Variants in DZIP1 observed in about 807,000 individuals in gnomAD.
DZIP1 encodes the protein cilium assembly protein DZIP1.
A neutral mutation model predicts 107.6 loss-of-function variants in DZIP1; 97 were observed. The ratio of observed to expected loss-of-function variants is 0.90; its 90% CI spans 0.77 to 1.07. The LOEUF (loss-of-function observed/expected upper bound fraction) is 1.07, where lower values mean the gene tolerates loss of function less well. Among genes scored for constraint, DZIP1 ranks in the 50% least tolerant of loss-of-function variants. DZIP1 has a pLI of 0.00. For synonymous variants in DZIP1, 390 were observed against 386.4 expected (o/e 1.01, Z -0.11); for missense variants, 1,035 against 1,063.6 (o/e 0.97, Z 0.37).
In DZIP1 at chr13:95,612,302, G is replaced by A. The variant is rs143625581; in HGVS notation, c.1174-125C>T. ...TGATGCTATCCGTGCGCATCAAGTCGTTGAATAAATCTTTGATCATGGTAT... is the reference window on the plus strand; with the variant it reads ...TGATGCTATCCGTGCGCATCAAGTCATTGAATAAATCTTTGATCATGGTAT... On this transcript the variant is annotated intron_variant, in intron 10 of 22. Transcript: ENST00000376829. 8.2e-4 allele frequency: 882 copies of A among 1,074,522 alleles called. 5 individuals carry two copies. In the African/African-American group the frequency reaches 0.012, roughly 15 times the overall value. 66.6% of individuals were successfully genotyped at this position (1,074,522 alleles called of 1,614,324 possible).
At chr13:95,609,624 A>T (rs1428400425) in intron 12 of DZIP1, 111 bp from the exon 13 acceptor site, 1 of 583,416 alleles carries the variant, frequency 1.7e-6, no homozygotes, top group African/African-American at 1.9e-5. Flanking sequence ...GAAATGTACC[A>T]ATATATAGCA....
chr13:95,632,995 A>AC (rs1307266177), intron 6 of DZIP1, among the ~76,000 whole-genome samples: 1 of 151,408 alleles, frequency 6.6e-6, no homozygotes, highest in Non-Finnish European at 1.5e-5. Context: ...TGTCTCCTCA[A>AC]CCCCCTTTAG....
rs1375171604 is a variant in DZIP1, at chr13:95,590,872, C to T, written c.1681-431G>A. Among the ~76,000 whole-genome samples the T allele has an allele frequency of 3.9e-5, 6 of 152,086 alleles. No individual in the cohort carries two copies. The East Asian group carries it at 1.2e-3, about 29-fold the overall frequency. ...GGACACCTGTGAGAAAGGAAGCTGT[C>T]GAGGCAGAAACAGGTAAGGCACGTC... On this transcript the variant is annotated intron_variant, in intron 16 of 22. Coordinates refer to ENST00000376829, the MANE Select transcript of DZIP1 (RefSeq NM_198968.4).
intron 5 of DZIP1, among the ~76,000 whole-genome samples, chr13:95,635,742 C>T (rs957929205): frequency 2.0e-5 from 3 of 152,124 alleles, no homozygotes; most frequent in African/African-American, 7.2e-5. Flanking sequence ...GGTGTTCTAA[C>T]GATACTGTTC....
chr13:95,616,240 C>A lies in DZIP1; in HGVS notation c.1173+3645G>T, dbSNP rs146321611. ...TACATAGTCATTGCCACGGGGGAAG[C>A]TCCCTGGGTGCAGGGTGGAAACGTG... On this transcript the variant is annotated intron_variant, in intron 10 of 22. Coordinates refer to ENST00000376829, the MANE Select transcript of DZIP1 (RefSeq NM_198968.4). 3.6e-3 allele frequency among the ~76,000 whole-genome samples: 549 copies of A among 152,290 alleles called. 2 individuals are homozygous for A. The highest frequency in any genetic ancestry group is 0.013 in the African/African-American group (525 of 41,562).
chr13:95,620,186 G>A (rs1875654549), intron 9 of DZIP1, among the ~76,000 whole-genome samples: 1 of 152,152 alleles, frequency 6.6e-6, no homozygotes, highest in Admixed American at 6.5e-5. Flanking sequence ...ATGATAGTGA[G>A]TTCTCACAAG....
At chr13:95,635,707 C>T (rs1192088495) in intron 5 of DZIP1, among the ~76,000 whole-genome samples, 4 of 152,114 alleles carry the variant, frequency 2.6e-5, no homozygotes, top group Non-Finnish European at 5.9e-5. Context: ...CCCCACCCCA[C>T]CCCAGAGTTC....
At chr13:95,593,794 A>G in intron 16 of DZIP1, 150 bp downstream of exon 16, 1 of 840,660 alleles carries the variant, frequency 1.2e-6, no homozygotes, top group Non-Finnish European at 1.7e-6. Flanking sequence ...AATGCTATTC[A>G]AGTGTTTGAT....
At chr13:95,614,763 G>C (rs1402969950) in intron 10 of DZIP1, among the ~76,000 whole-genome samples, 2 of 152,052 alleles carry the variant, frequency 1.3e-5, no homozygotes, top group Non-Finnish European at 2.9e-5. Context: ...GCTCTCAAGA[G>C]TCTTCTGTTG....
In DZIP1 at chr13:95,581,833, C is replaced by T. The variant is rs117366697; in HGVS notation, c.*401G>A. On this transcript the variant is annotated 3_prime_UTR_variant, in exon 23 of 23. Coordinates refer to ENST00000376829, the MANE Select transcript of DZIP1 (RefSeq NM_198968.4). Reference sequence around the variant, plus strand: ...TTTTATAATATAAACGCCTACGATACGACAGCATACATAAGAAAAATATTT... The same window carrying T: ...TTTTATAATATAAACGCCTACGATATGACAGCATACATAAGAAAAATATTT... 6.6e-4 allele frequency: 102 copies of T among 155,384 alleles called. 1 individual carries two copies. In the East Asian group the frequency reaches 0.017, roughly 26 times the overall value. 9.6% of individuals were successfully genotyped at this position (155,384 alleles called of 1,614,324 possible). A position where few individuals can be genotyped will look rare whatever the true frequency, so the allele number is the denominator to read the frequency against.
At chr13:95,622,630 T>C (rs1876030131) in intron 8 of DZIP1, 150 bp from the exon 9 acceptor site, 1 of 801,546 alleles carries the variant, frequency 1.2e-6, no homozygotes, top group Non-Finnish European at 2.0e-6. Context: ...CTGCTTCTGC[T>C]TCCCTGTGGT....
At chr13:95,587,938 C>T (rs2044208051) in intron 19 of DZIP1, 2 of 494,818 alleles carry the variant, frequency 4.0e-6, no homozygotes, top group Non-Finnish European at 6.9e-6. Flanking sequence ...TCTCTGCCAG[C>T]CACGGGGCAT....
intron 12 of DZIP1, among the ~76,000 whole-genome samples, chr13:95,611,212 T>C (rs901095046): frequency 1.3e-5 from 2 of 152,214 alleles, no homozygotes; most frequent in African/African-American, 4.8e-5. Flanking sequence ...AGTACTCTGA[T>C]TAAAAAAATG....
chr13:95,605,945 T>G, intron 14 of DZIP1, 58 bp downstream of exon 14: 1 of 1,541,448 alleles, frequency 6.5e-7, no homozygotes, highest in Non-Finnish European at 8.9e-7. Context: ...GGTTAATAAG[T>G]TATCCAACTC....
At chr13:95,594,149 A>C (rs186549735) in intron 15 of DZIP1, 63 bp from the exon 16 acceptor site, 1 of 1,387,552 alleles carries the variant, frequency 7.2e-7, no homozygotes, top group Non-Finnish European at 9.8e-7. Flanking sequence ...AAAATCTCTA[A>C]GCAGAAAATG....
At chr13:95,631,485 C>A (rs1388597163) in intron 6 of DZIP1, among the ~76,000 whole-genome samples, 1 of 151,462 alleles carries the variant, frequency 6.6e-6, no homozygotes, top group African/African-American at 2.4e-5. Context: ...AAACAAAAAA[C>A]GATAAAAATA....
intron 5 of DZIP1, among the ~76,000 whole-genome samples, chr13:95,636,543 C>CAAAAAAAAAAAAAAAAAAAAGAAA: frequency 8.5e-6 from 1 of 118,278 alleles, no homozygotes; most frequent in Non-Finnish European, 1.7e-5. Flanking sequence ...GACCTTGACT[C>CAAAAAAAAAAAAAAAAAAAAGAAA]AAAAAAAAAA....
rs1173466693 is a variant in DZIP1 at position 95,630,080 on chromosome 13, C to G, written c.719G>C (p.Arg240Pro). 1 of 1,613,492 alleles carries G rather than the reference C, an allele frequency of 6.2e-7. No individual in the cohort carries two copies. Among genetic ancestry groups the G allele is most frequent in the Non-Finnish European group, 8.5e-7 (1 of 1,179,736 alleles). Residue 240 changes from arginine (R) to proline (P), a missense_variant, in exon 7 of 23, where the codon CGG becomes CCG. Physicochemically the swap from Arg to Pro is moderately radical, Grantham distance 103. Coordinates refer to ENST00000376829, the MANE Select transcript of DZIP1 (RefSeq NM_198968.4). ...TTCCTTCAATACGACGATCTCACTC[C>G]GGAGCTTCTCAATCTGTGCATTTTT... Reference protein sequence around the residue: ...YQKNAQIEKLRSEIVVLKEEL... With the variant: ...YQKNAQIEKLPSEIVVLKEEL...
At chr13:95,621,751 C>G (rs1242355050) in intron 9 of DZIP1, among the ~76,000 whole-genome samples, 2 of 148,934 alleles carry the variant, frequency 1.3e-5, no homozygotes, top group Non-Finnish European at 3.0e-5. Flanking sequence ...GAGTATCACT[C>G]TTGTTGCCCA....
Sources: gnomAD v4.1 joint callset for allele counts (sites outside exome capture counted in the v4.1 genomes callset) on GRCh38, gnomAD v4.1.1 for gene constraint, MANE v1.5 for transcripts, NCBI Gene and HGNC (gene_info 2026-07-23, HGNC 2026-07-21) for gene names.